KHDRBS2: variants seen among roughly 807,000 people sequenced by gnomAD.
KHDRBS2 encodes KH domain-containing, RNA-binding, signal transduction-associated protein 2.
KHDRBS2 carries 26 observed loss-of-function variants against 44.3 expected under a neutral mutation model. The observed-to-expected ratio is 0.59, with a 90% CI of 0.43 to 0.81. KHDRBS2 has a LOEUF of 0.81. Among genes scored for constraint, KHDRBS2 ranks in the 40% least tolerant of loss-of-function variants. The pLI, the probability that KHDRBS2 is intolerant of heterozygous loss-of-function variation, is 0.00. For synonymous variants in KHDRBS2, 194 were observed against 151.1 expected (o/e 1.28, Z -2.08); for missense variants, 476 against 433.1 (o/e 1.10, Z -0.88).
At chr6:62,231,465 T>C (rs1832888461) in intron 1 of KHDRBS2, among the ~76,000 whole-genome samples, 1 of 152,092 alleles carries the variant, frequency 6.6e-6, no homozygotes, top group Non-Finnish European at 1.5e-5. Context: ...TATAACCCAA[T>C]CATCTCCCTC....
chr6:61,736,748 T>C (rs945493216), intron 6 of KHDRBS2, among the ~76,000 whole-genome samples: 1 of 152,046 alleles, frequency 6.6e-6, no homozygotes, highest in African/African-American at 2.4e-5. Context: ...TACTGATTCC[T>C]CAAGGTCATT....
rs141314833 is a variant in KHDRBS2 at position 62,123,366 on chromosome 6, C to T, written c.219+53819G>A. On this transcript the variant is annotated intron_variant, in intron 2 of 8. Coordinates refer to ENST00000281156, the MANE Select transcript of KHDRBS2 (RefSeq NM_152688.4). Reference sequence around the variant, plus strand: ...TAGTGCCGTAATAAACATATGTGTGCATGTGTCTTTATCACAGCATGATTT... The same window carrying T: ...TAGTGCCGTAATAAACATATGTGTGTATGTGTCTTTATCACAGCATGATTT... Among the ~76,000 whole-genome samples the T allele has an allele frequency of 3.3e-5, 5 of 152,256 alleles. No homozygotes were observed. In the East Asian group the frequency reaches 9.6e-4, roughly 29 times the overall value.
intron 2 of KHDRBS2, among the ~76,000 whole-genome samples, chr6:62,093,995 C>A (rs1800032994): frequency 6.6e-6 from 1 of 151,622 alleles, no homozygotes; most frequent in Non-Finnish European, 1.5e-5. Context: ...CATGAGAGTG[C>A]AGATATCTTT....
intron 3 of KHDRBS2, among the ~76,000 whole-genome samples, chr6:61,988,438 C>CT (rs1472696959): frequency 2.6e-5 from 4 of 152,156 alleles, no homozygotes; most frequent in Admixed American, 6.5e-5. Context: ...CTTCTCTTAT[C>CT]TTTTCTTTCT....
intron 6 of KHDRBS2, among the ~76,000 whole-genome samples, chr6:61,846,346 G>A (rs1794400809): frequency 6.6e-6 from 1 of 152,144 alleles, no homozygotes; most frequent in Admixed American, 6.5e-5. Flanking sequence ...TCATATAATA[G>A]AAAATCTAAC....
At chr6:62,006,390 T>C (rs1779231306) in intron 3 of KHDRBS2, among the ~76,000 whole-genome samples, 1 of 151,980 alleles carries the variant, frequency 6.6e-6, no homozygotes, top group Admixed American at 6.6e-5. Flanking sequence ...CTAAATGTCA[T>C]TTTCTCCAAA....
chr6:61,956,487 C>T (rs948676080), intron 4 of KHDRBS2, among the ~76,000 whole-genome samples: 1 of 152,060 alleles, frequency 6.6e-6, no homozygotes. Context: ...GCCAGTACAT[C>T]TTTTTTTACT....
At chr6:62,145,214 A>T (rs1223429055) in intron 2 of KHDRBS2, among the ~76,000 whole-genome samples, 1 of 151,750 alleles carries the variant, frequency 6.6e-6, no homozygotes, top group Non-Finnish European at 1.5e-5. Flanking sequence ...AGTTCTCAAA[A>T]TAATGGTTAC....
intron 4 of KHDRBS2, among the ~76,000 whole-genome samples, chr6:61,975,205 C>T (rs972145801): frequency 2.6e-5 from 4 of 152,062 alleles, no homozygotes; most frequent in Non-Finnish European, 5.9e-5. Context: ...TTCTGGATAA[C>T]ATACAAGAGG....
At chr6:62,067,118 G>C (rs1793918493) in intron 2 of KHDRBS2, among the ~76,000 whole-genome samples, 1 of 151,294 alleles carries the variant, frequency 6.6e-6, no homozygotes, top group Admixed American at 6.6e-5. Context: ...AGAGAATTGG[G>C]GACTGAGCAG....
intron 7 of KHDRBS2, among the ~76,000 whole-genome samples, chr6:61,702,722 C>A (rs1018406216): frequency 6.6e-6 from 1 of 151,802 alleles, no homozygotes; most frequent in Non-Finnish European, 1.5e-5. Flanking sequence ...ACAAAAACAA[C>A]TCATGTCTTT....
At chr6:61,696,635 T>A (rs1767944900) in intron 8 of KHDRBS2, among the ~76,000 whole-genome samples, 1 of 152,136 alleles carries the variant, frequency 6.6e-6, no homozygotes, top group African/African-American at 2.4e-5. Flanking sequence ...ATTCAATAGA[T>A]CTTAACTGAG....
At chr6:62,147,541 C>T (rs916465614) in intron 2 of KHDRBS2, among the ~76,000 whole-genome samples, 1 of 151,694 alleles carries the variant, frequency 6.6e-6, no homozygotes, top group Non-Finnish European at 1.5e-5. Context: ...GATACCACAT[C>T]AGAAGCTGCT....
chr6:61,804,919 G>A (rs376951069), intron 6 of KHDRBS2, among the ~76,000 whole-genome samples: 1 of 152,258 alleles, frequency 6.6e-6, no homozygotes, highest in East Asian at 1.9e-4. Flanking sequence ...TTTCCCTATT[G>A]TCTTGGTGAT....
chr6:62,200,769 T>C (rs942366383), intron 1 of KHDRBS2, among the ~76,000 whole-genome samples: 10 of 152,134 alleles, frequency 6.6e-5, no homozygotes, highest in Admixed American at 5.9e-4. Context: ...CATGCTGCTA[T>C]AAGGACACAT....
chr6:61,823,048 T>G (rs75008868), intron 6 of KHDRBS2, among the ~76,000 whole-genome samples: 9 of 152,052 alleles, frequency 5.9e-5, no homozygotes, highest in South Asian at 4.1e-4. Context: ...GGTTAACATA[T>G]ATATGCTAAA....
At chr6:61,722,836 A>G (rs1415277049) in intron 7 of KHDRBS2, among the ~76,000 whole-genome samples, 2 of 151,740 alleles carry the variant, frequency 1.3e-5, no homozygotes, top group Non-Finnish European at 2.9e-5. Flanking sequence ...CAGCCTCCTC[A>G]GTAGCTGGGA....
intron 2 of KHDRBS2, among the ~76,000 whole-genome samples, chr6:62,066,279 T>C (rs1199252233): frequency 6.6e-6 from 1 of 151,736 alleles, no homozygotes; most frequent in East Asian, 2.0e-4. Context: ...TAAAATCATC[T>C]GTAGAGGTAC....
rs149570979 is a variant in KHDRBS2 at position 62,006,878 on chromosome 6, C to T, written c.337-28666G>A. On this transcript the variant is annotated intron_variant, in intron 3 of 8. Transcript: ENST00000281156. ...TCAATAAACATAAATAAAATAAAGCCTCAAAATATAAGGCAGGAGTTATTA... is the reference window on the plus strand; with the variant it reads ...TCAATAAACATAAATAAAATAAAGCTTCAAAATATAAGGCAGGAGTTATTA... 5.8e-4 allele frequency among the ~76,000 whole-genome samples: 88 copies of T among 151,850 alleles called. 1 individual carries two copies. Among genetic ancestry groups the T allele is most frequent in the African/African-American group, 2.1e-3 (87 of 41,470 alleles).
Sources: allele counts gnomAD v4.1 joint callset (sites outside exome capture counted in the v4.1 genomes callset), GRCh38; gene constraint gnomAD v4.1.1; transcripts MANE v1.5; gene names NCBI Gene and HGNC (gene_info 2026-07-23, HGNC 2026-07-21).